Variants in PAK5 observed in about 807,000 individuals in gnomAD.
PAK5 encodes p21 (RAC1) activated kinase 5.
PAK5 carries 16 observed loss-of-function variants against 65.9 expected under a neutral mutation model. That is an observed-to-expected ratio of 0.24 (90% CI 0.16 to 0.37). The LOEUF (loss-of-function observed/expected upper bound fraction) is 0.37. Among genes scored for constraint, PAK5 ranks in the 10% least tolerant of loss-of-function variants. PAK5 has a pLI of 1.00. For synonymous variants in PAK5, 371 were observed against 354.9 expected, an observed-to-expected ratio of 1.05 and a Z score of -0.51; for missense variants, 785 against 903.9, an observed-to-expected ratio of 0.87 and a Z score of 1.69.
chr20:9,756,933 T>A (rs1199227592), intron 1 of PAK5, among the ~76,000 whole-genome samples: 1 of 152,092 alleles, frequency 6.6e-6, no homozygotes, highest in East Asian at 1.9e-4. Flanking sequence ...CTGGAAGCAG[T>A]TTTTAACTGA....
At chr20:9,784,975 A>G (rs937170093) in intron 1 of PAK5, among the ~76,000 whole-genome samples, 5 of 152,016 alleles carry the variant, frequency 3.3e-5, no homozygotes, top group African/African-American at 1.2e-4. Flanking sequence ...CTTTATTTTA[A>G]TATAGTACCT....
At chr20:9,833,638 C>A (rs1281399756) in intron 1 of PAK5, among the ~76,000 whole-genome samples, 2 of 152,022 alleles carry the variant, frequency 1.3e-5, no homozygotes, top group Non-Finnish European at 2.9e-5. Flanking sequence ...GAAAAGTTTT[C>A]TTTTATTTTT....
intron 1 of PAK5, among the ~76,000 whole-genome samples, chr20:9,772,636 A>C (rs1326931831): frequency 6.6e-6 from 1 of 152,234 alleles, no homozygotes; most frequent in Non-Finnish European, 1.5e-5. Flanking sequence ...ATAGAATATT[A>C]ATAGATCAGC....
chr20:9,579,923 A>AG (rs1773083309), intron 4 of PAK5, among the ~76,000 whole-genome samples: 1 of 152,234 alleles, frequency 6.6e-6, no homozygotes, highest in African/African-American at 2.4e-5. Context: ...GAAACCACGT[A>AG]GGAGGGCCCA....
At chr20:9,577,797 C>G (rs1195030709) in intron 4 of PAK5, 2 of 152,166 alleles carry the variant, frequency 1.3e-5, no homozygotes, top group African/African-American at 4.8e-5. Flanking sequence ...TATTTCTGAT[C>G]GTAAGGGCTG....
intron 1 of PAK5, among the ~76,000 whole-genome samples, chr20:9,826,303 C>A (rs1020338113): frequency 2.0e-5 from 3 of 151,888 alleles, no homozygotes; most frequent in African/African-American, 7.3e-5. Flanking sequence ...ATATTTAGTA[C>A]CTAATAGAAT....
At position 9,593,585 on chromosome 20, in the gene PAK5, C is replaced by T. The variant is rs1050642127; in HGVS notation, c.205-12655G>A. ...CTCCCTCCTCTTGACCCCCACTCCC[C>T]GGACAGGCCCCGGTGTGCGATGTTC... On this transcript the variant is annotated intron_variant, in intron 3 of 9. Transcript: ENST00000353224. 2.6e-5 allele frequency among the ~76,000 whole-genome samples: 4 copies of T among 152,156 alleles called. 1 individual carries two copies. Among genetic ancestry groups the T allele is most frequent in the African/African-American group, 9.7e-5 (4 of 41,434 alleles).
At chr20:9,690,101 C>T (rs937738417) in intron 2 of PAK5, among the ~76,000 whole-genome samples, 3 of 152,198 alleles carry the variant, frequency 2.0e-5, no homozygotes, top group Non-Finnish European at 4.4e-5. Flanking sequence ...GGAATTGACT[C>T]ACTTAGGTCA....
intron 1 of PAK5, among the ~76,000 whole-genome samples, chr20:9,837,805 C>T (rs980815005): frequency 6.6e-6 from 1 of 152,290 alleles, no homozygotes; most frequent in Admixed American, 6.5e-5. Context: ...TTCAAGCTGT[C>T]ATCAACTATT....
intron 1 of PAK5, among the ~76,000 whole-genome samples, chr20:9,733,692 G>T (rs2423449): frequency 0.49 from 74,790 of 151,892 alleles, 18,505 homozygotes; most frequent in South Asian, 0.63. Flanking sequence ...TGATCCACCC[G>T]CCTCATCCTC....
At chr20:9,540,140 T>C (rs184416254) in intron 9 of PAK5, among the ~76,000 whole-genome samples, 2 of 152,172 alleles carry the variant, frequency 1.3e-5, no homozygotes, top group African/African-American at 4.8e-5. Context: ...AGAGATGAGG[T>C]CTCACTATGT....
At chr20:9,818,667 A>G (rs1174134130) in intron 1 of PAK5, 2 of 152,218 alleles carry the variant, frequency 1.3e-5, no homozygotes, top group African/African-American at 4.8e-5. Flanking sequence ...GAAAATTATC[A>G]TAAAGTCTAT....
chr20:9,732,711 G>T (rs894738635), intron 1 of PAK5, among the ~76,000 whole-genome samples: 1 of 152,118 alleles, frequency 6.6e-6, no homozygotes, highest in African/African-American at 2.4e-5. Context: ...TCTAATCTTG[G>T]ATTGGTCTGT....
intron 9 of PAK5, among the ~76,000 whole-genome samples, chr20:9,542,152 TTTTA>T (rs1342078908): frequency 2.0e-5 from 3 of 152,178 alleles, no homozygotes; most frequent in Admixed American, 6.5e-5. Context: ...TCTGAAATTA[TTTTA>T]TTTATTTGTT....
At chr20:9,685,633 T>C (rs1409733594) in intron 2 of PAK5, among the ~76,000 whole-genome samples, 1 of 152,194 alleles carries the variant, frequency 6.6e-6, no homozygotes, top group Admixed American at 6.5e-5. Flanking sequence ...ATTTCATAAA[T>C]TTCTGTTGTT....
intron 3 of PAK5, among the ~76,000 whole-genome samples, chr20:9,628,709 G>A (rs1037977676): frequency 3.3e-5 from 5 of 152,122 alleles, no homozygotes; most frequent in Non-Finnish European, 5.9e-5. Flanking sequence ...AGTTGCCACC[G>A]GTGCTGTGCC....
intron 4 of PAK5, among the ~76,000 whole-genome samples, chr20:9,573,098 CTTT>C (rs34357361): frequency 6.8e-6 from 1 of 146,246 alleles, no homozygotes. Flanking sequence ...GTGATTTCCT[CTTT>C]TTTTTTTTTG....
At chr20:9,798,934 C>T (rs2049136331) in intron 1 of PAK5, among the ~76,000 whole-genome samples, 1 of 152,126 alleles carries the variant, frequency 6.6e-6, no homozygotes, top group Non-Finnish European at 1.5e-5. Context: ...TAACAAGATT[C>T]ACCATTCAGG....
intron 2 of PAK5, among the ~76,000 whole-genome samples, chr20:9,653,249 T>C (rs1383578849): frequency 6.6e-6 from 1 of 152,214 alleles, no homozygotes; most frequent in Non-Finnish European, 1.5e-5. Flanking sequence ...TAGTAAGTAC[T>C]CAGAAAAACT....
Sources: gnomAD v4.1 joint callset for allele counts (sites outside exome capture counted in the v4.1 genomes callset) on GRCh38, gnomAD v4.1.1 for gene constraint, MANE v1.5 for transcripts, NCBI Gene and HGNC (gene_info 2026-07-23, HGNC 2026-07-21) for gene names.